Variants in SDC2 observed in about 807,000 individuals in gnomAD.
SDC2 encodes syndecan-2.
In SDC2, 13 loss-of-function variants were observed where a neutral mutation model predicts 22.2. That is an observed-to-expected ratio of 0.59 (90% CI 0.38 to 0.93). The LOEUF (loss-of-function observed/expected upper bound fraction) is 0.93. Among genes scored for constraint, SDC2 ranks in the 40% least tolerant of loss-of-function variants. SDC2 has a pLI of 0.00. For synonymous variants in SDC2, 94 were observed against 92.8 expected, an observed-to-expected ratio of 1.01 and a Z score of -0.07; for missense variants, 235 against 246.8, an observed-to-expected ratio of 0.95 and a Z score of 0.32.
intron 1 of SDC2, among the ~76,000 whole-genome samples, chr8:96,509,373 A>C (rs534119967): frequency 7.0e-6 from 1 of 142,392 alleles, no homozygotes; most frequent in African/African-American, 2.5e-5. Flanking sequence ...TAGTCTTTTG[A>C]GGTTTTGAAC....
chr8:96,595,683 G>C (rs889395759), intron 2 of SDC2, among the ~76,000 whole-genome samples: 2 of 152,210 alleles, frequency 1.3e-5, no homozygotes, highest in Non-Finnish European at 2.9e-5. Context: ...TTGACCTTAA[G>C]TCTAGTTTAA....
At position 96,524,259 on chromosome 8, in the gene SDC2, C is replaced by G. The variant is rs199869000; in HGVS notation, c.60+29928C>G. 1.1e-4 allele frequency among the ~76,000 whole-genome samples: 17 copies of G among 152,294 alleles called. No homozygotes were observed. In the East Asian group the frequency reaches 3.3e-3, roughly 29 times the overall value. ...AAAATTGATGGCTTTATTGGACATTCTTTTCATGAGATTTAACTTCTTAAC... is the reference window on the plus strand; with the variant it reads ...AAAATTGATGGCTTTATTGGACATTGTTTTCATGAGATTTAACTTCTTAAC... On this transcript the variant is annotated intron_variant, in intron 1 of 4. Transcript: ENST00000302190.
intron 1 of SDC2, among the ~76,000 whole-genome samples, chr8:96,579,167 C>T (rs1338850981): frequency 6.6e-6 from 1 of 152,200 alleles, no homozygotes; most frequent in African/African-American, 2.4e-5. Context: ...TGTCAGTCTA[C>T]TTAGATTTCA....
In SDC2 at chr8:96,611,354, A is replaced by G. The variant is rs561566217; in HGVS notation, c.*1806A>G. ...AAAAAAGCAACTTTTCCAACATACAATTTACTTTTAATAAAGTATGAATAT... is the reference window on the plus strand; with the variant it reads ...AAAAAAGCAACTTTTCCAACATACAGTTTACTTTTAATAAAGTATGAATAT... On this transcript the variant is annotated 3_prime_UTR_variant, in exon 5 of 5. Transcript: ENST00000302190. The G allele has an allele frequency of 6.5e-6, 1 of 152,698 alleles. No homozygotes were observed. Among genetic ancestry groups the G allele is most frequent in the South Asian group, 2.1e-4 (1 of 4,818 alleles). The allele number at this position is 152,698 out of a possible 1,614,324, so 9.5% of individuals were successfully genotyped here.
intron 1 of SDC2, among the ~76,000 whole-genome samples, chr8:96,554,423 T>C (rs181683374): frequency 6.6e-6 from 1 of 152,296 alleles, no homozygotes; most frequent in African/African-American, 2.4e-5. Flanking sequence ...CTTAATATGA[T>C]TTTAAAAGGA....
chr8:96,568,727 G>A (rs1237103205), intron 1 of SDC2, among the ~76,000 whole-genome samples: 1 of 152,178 alleles, frequency 6.6e-6, no homozygotes, highest in Non-Finnish European at 1.5e-5. Flanking sequence ...CATAATTCAG[G>A]CCACCATTTT....
At chr8:96,602,662 G>A in intron 3 of SDC2, 134 bp downstream of exon 3, 1 of 930,430 alleles carries the variant, frequency 1.1e-6, no homozygotes, top group East Asian at 2.6e-5. Context: ...GTACACAACA[G>A]TTCTTTTAAA....
At chr8:96,502,394 A>G (rs1044385905) in intron 1 of SDC2, among the ~76,000 whole-genome samples, 1 of 152,126 alleles carries the variant, frequency 6.6e-6, no homozygotes, top group Admixed American at 6.5e-5. Context: ...TATCACTAGT[A>G]TTTTTTTATA....
chr8:96,606,621 C>G (rs1312139730), intron 3 of SDC2, among the ~76,000 whole-genome samples: 1 of 152,016 alleles, frequency 6.6e-6, no homozygotes, highest in Non-Finnish European at 1.5e-5. Context: ...GAGATGGTGA[C>G]CTGAAGTCAG....
At chr8:96,603,997 A>G (rs1815036680) in intron 3 of SDC2, among the ~76,000 whole-genome samples, 1 of 152,260 alleles carries the variant, frequency 6.6e-6, no homozygotes, top group African/African-American at 2.4e-5. Flanking sequence ...TGGTGGTACG[A>G]TGACTGCCTC....
chr8:96,546,481 G>T (rs979450014), intron 1 of SDC2, among the ~76,000 whole-genome samples: 5 of 152,032 alleles, frequency 3.3e-5, no homozygotes, highest in Non-Finnish European at 7.4e-5. Flanking sequence ...AACAAAGAAG[G>T]CCCCAGACCA....
chr8:96,566,656 TATTTTTATTAAATAA>T (rs1044610994), intron 1 of SDC2, among the ~76,000 whole-genome samples: 5 of 150,876 alleles, frequency 3.3e-5, no homozygotes, highest in African/African-American at 1.2e-4. Flanking sequence ...TTTATTAAAT[TATTTTTATTAAATAA>T]TTTTTTATTT....
intron 1 of SDC2, among the ~76,000 whole-genome samples, chr8:96,555,906 T>A (rs549969078): frequency 6.6e-6 from 1 of 152,314 alleles, no homozygotes; most frequent in South Asian, 2.1e-4. Context: ...AAATTTTCTC[T>A]TAGTCCAAGA....
chr8:96,567,926 G>A lies in SDC2; in HGVS notation c.61-25554G>A, dbSNP rs537660425. On this transcript the variant is annotated intron_variant, in intron 1 of 4. Transcript: ENST00000302190. ...TGCAATGGCTTTATCCTCACTTTTT[G>A]GAAGAGGAAACTCCTTCAAAGTGTT... Among the ~76,000 whole-genome samples the A allele has an allele frequency of 2.6e-5, 4 of 152,200 alleles. No individual in the cohort carries two copies. In the East Asian group the frequency reaches 5.8e-4, roughly 22 times the overall value.
At chr8:96,514,598 A>G (rs1331118952) in intron 1 of SDC2, among the ~76,000 whole-genome samples, 3 of 152,144 alleles carry the variant, frequency 2.0e-5, no homozygotes, top group Admixed American at 6.5e-5. Flanking sequence ...CTCTAGGTCC[A>G]TGGTCCCCAA....
At chr8:96,525,091 C>T (rs1813557505) in intron 1 of SDC2, among the ~76,000 whole-genome samples, 1 of 152,172 alleles carries the variant, frequency 6.6e-6, no homozygotes, top group Non-Finnish European at 1.5e-5. Context: ...TGATTGGAAG[C>T]CCTGCTCTCC....
intron 1 of SDC2, among the ~76,000 whole-genome samples, chr8:96,527,796 G>A (rs567625901): frequency 6.6e-6 from 1 of 152,266 alleles, no homozygotes; most frequent in South Asian, 2.1e-4. Flanking sequence ...GAGGTATTAA[G>A]GGATCTGCGC....
chr8:96,520,384 T>G (rs971083688), intron 1 of SDC2, among the ~76,000 whole-genome samples: 2 of 152,208 alleles, frequency 1.3e-5, no homozygotes, highest in East Asian at 1.9e-4. Flanking sequence ...AAAGGTGATT[T>G]CTGCTGCTTC....
At chr8:96,544,859 A>G (rs1323051418) in intron 1 of SDC2, among the ~76,000 whole-genome samples, 1 of 152,266 alleles carries the variant, frequency 6.6e-6, no homozygotes, top group Non-Finnish European at 1.5e-5. Context: ...TGGTTTGTGC[A>G]TAATTAAAAA....
Sources: gnomAD v4.1 joint callset for allele counts (sites outside exome capture counted in the v4.1 genomes callset) on GRCh38, gnomAD v4.1.1 for gene constraint, MANE v1.5 for transcripts, NCBI Gene and HGNC (gene_info 2026-07-23, HGNC 2026-07-21) for gene names.